The following HECW2 variants were observed in gnomAD, a reference collection of about 807,000 sequenced individuals.
HECW2 encodes E3 ubiquitin-protein ligase HECW2.
A neutral mutation model predicts 175.2 loss-of-function variants in HECW2; 61 were observed. The ratio of observed to expected loss-of-function variants is 0.35; its 90% CI spans 0.28 to 0.43. The LOEUF (loss-of-function observed/expected upper bound fraction) is 0.43, where lower values mean the gene tolerates loss of function less well. Ranked by LOEUF, HECW2 falls within the 20% of genes least tolerant of loss-of-function variation. The probability of loss-of-function intolerance (pLI) is 1.00; values close to 1 mark genes in which losing one functional copy is unlikely to be tolerated. For missense variants in HECW2, 1,524 were observed against 2,000.5 expected, an observed-to-expected ratio of 0.76 and a Z score of 4.54; for synonymous variants, 671 against 731.0, an observed-to-expected ratio of 0.92 and a Z score of 1.32.
intron 19 of HECW2, among the ~76,000 whole-genome samples, chr2:196,248,150 G>C (rs539506475): frequency 6.6e-6 from 1 of 152,264 alleles, no homozygotes; most frequent in East Asian, 1.9e-4. Flanking sequence ...AGGCCCTCGA[G>C]TCATTTCTTG....
intron 2 of HECW2, among the ~76,000 whole-genome samples, chr2:196,353,007 C>A (rs1693224438): frequency 6.6e-6 from 1 of 152,186 alleles, no homozygotes; most frequent in South Asian, 2.1e-4. Flanking sequence ...AGAGTGAAAT[C>A]CAAAGTGTTT....
intron 3 of HECW2, 105 bp from the exon 4 acceptor site, chr2:196,334,623 ACT>A: frequency 2.4e-6 from 2 of 818,548 alleles, no homozygotes; most frequent in Admixed American, 4.8e-5. Flanking sequence ...CCTACTCATG[ACT>A]CTGAATGACC....
intron 14 of HECW2, among the ~76,000 whole-genome samples, chr2:196,279,234 G>C (rs1205633426): frequency 6.6e-6 from 1 of 152,112 alleles, no homozygotes; most frequent in Non-Finnish European, 1.5e-5. Context: ...GTATTTAGTA[G>C]AGACGGGGTT....
chr2:196,456,150 A>C (rs894704435), intron 1 of HECW2, among the ~76,000 whole-genome samples: 5 of 152,190 alleles, frequency 3.3e-5, no homozygotes, highest in Non-Finnish European at 4.4e-5. Context: ...TACTGAAGTC[A>C]CAAAACATTT....
At chr2:196,505,336 C>G (rs1196031703) in intron 1 of HECW2, among the ~76,000 whole-genome samples, 1 of 152,030 alleles carries the variant, frequency 6.6e-6, no homozygotes, top group Non-Finnish European at 1.5e-5. Context: ...GTCAAGAGAT[C>G]GAGACCATCC....
intron 2 of HECW2, among the ~76,000 whole-genome samples, chr2:196,400,728 C>T (rs1694794853): frequency 6.6e-6 from 1 of 151,826 alleles, no homozygotes; most frequent in Non-Finnish European, 1.5e-5. Context: ...AAGATGCTTT[C>T]ACTCACCTAC....
intron 7 of HECW2, among the ~76,000 whole-genome samples, chr2:196,321,186 T>C (rs1356012974): frequency 6.6e-6 from 1 of 152,198 alleles, no homozygotes; most frequent in Non-Finnish European, 1.5e-5. Flanking sequence ...GATGTGCCCC[T>C]GTGGTGGGGT....
intron 4 of HECW2, among the ~76,000 whole-genome samples, chr2:196,333,237 C>T (rs184700795): frequency 2.6e-5 from 4 of 152,074 alleles, no homozygotes; most frequent in Non-Finnish European, 2.9e-5. Context: ...CTGCACCAGA[C>T]CTACGAGATC....
At position 196,199,055 on chromosome 2, in the gene HECW2, C is replaced by T. The variant is rs1265350965; in HGVS notation, c.*2222G>A. 6.6e-6 allele frequency: 1 copy of T among 152,010 alleles called. No individual in the cohort carries two copies. The highest frequency in any genetic ancestry group is 1.5e-5 in the Non-Finnish European group (1 of 67,872). 9.4% of individuals were successfully genotyped at this position (152,010 alleles called of 1,614,324 possible). A position where few individuals can be genotyped will look rare whatever the true frequency, so the allele number is the denominator to read the frequency against. On this transcript the variant is annotated 3_prime_UTR_variant, in exon 29 of 29. Transcript: ENST00000644978. The stretch of plus-strand genomic sequence containing the variant: ...TCTTTTACCTAATAATATGAAATAC[C>T]ATAACTAAATGTCTCAAACCAAAAT...
chr2:196,553,062 C>T (rs191692231), intron 1 of HECW2, among the ~76,000 whole-genome samples: 3 of 152,272 alleles, frequency 2.0e-5, no homozygotes, highest in South Asian at 2.1e-4. Context: ...GGGAAAATAT[C>T]GCATCTTTTC....
chr2:196,391,280 C>T (rs1694501551), intron 2 of HECW2, among the ~76,000 whole-genome samples: 1 of 152,210 alleles, frequency 6.6e-6, no homozygotes, highest in South Asian at 2.1e-4. Context: ...AGTAACAGTA[C>T]CCTGCCCCAC....
Position 196,334,415 on chromosome 2 carries a change from G to T in HECW2, c.495+9C>A. On this transcript the variant is annotated intron_variant, in intron 4 of 28. Transcript: ENST00000644978. The stretch of plus-strand genomic sequence containing the variant: ...TCTCACAAGGAAGCTGGCAGCGAGG[G>T]GCACTCACCATCACAGCTGGGTTCT... The T allele has an allele frequency of 6.3e-7, 1 of 1,598,510 alleles. No homozygotes were observed. Among genetic ancestry groups the T allele is most frequent in the East Asian group, 2.2e-5 (1 of 44,460 alleles).
chr2:196,278,152 A>ATATATATATATATATATATATATATATAT lies in HECW2; in HGVS notation c.3135+375_3135+376insATATATATATATATATATATATATATATA, dbSNP rs1553489733. On this transcript the variant is annotated intron_variant, in intron 15 of 28. Coordinates refer to ENST00000644978, the MANE Select transcript of HECW2 (RefSeq NM_001348768.2). ...TTAAAAAATATATATATATATATAT[A>ATATATATATATATATATATATATATATAT]AAGAAATTCCACATTTAACCAAGTT... 1.4e-3 allele frequency among the ~76,000 whole-genome samples: 170 copies of ATATATATATATATATATATATATATATAT among 119,920 alleles called. 1 individual carries two copies. The highest frequency in any genetic ancestry group is 2.1e-3 in the Non-Finnish European group (117 of 54,994). 78.7% of individuals were successfully genotyped at this position (119,920 alleles called of 152,430 possible).
chr2:196,284,777 C>T (rs1488440193), intron 14 of HECW2, among the ~76,000 whole-genome samples: 2 of 152,144 alleles, frequency 1.3e-5, no homozygotes, highest in Non-Finnish European at 2.9e-5. Flanking sequence ...TTTGAATAGC[C>T]TGCAATTATT....
At position 196,557,451 on chromosome 2, in the gene HECW2, A is replaced by G. The variant is rs555804483; in HGVS notation, c.-36+36057T>C. ...TCAGAAGGAGTAAGCACCAAATTTCATATATTCCAAGTATGAGTATAAATT... is the reference window on the plus strand; with the variant it reads ...TCAGAAGGAGTAAGCACCAAATTTCGTATATTCCAAGTATGAGTATAAATT... On this transcript the variant is annotated intron_variant, in intron 1 of 28. Coordinates refer to ENST00000644978, the MANE Select transcript of HECW2 (RefSeq NM_001348768.2). Among the ~76,000 whole-genome samples the G allele has an allele frequency of 1.6e-4, 24 of 152,238 alleles. 2 individuals carry two copies. In the South Asian group the frequency reaches 3.7e-3, roughly 24 times the overall value.
intron 2 of HECW2, among the ~76,000 whole-genome samples, chr2:196,424,101 C>T: frequency 6.6e-6 from 1 of 151,960 alleles, no homozygotes; most frequent in East Asian, 1.9e-4. Flanking sequence ...TGCAATATTT[C>T]AAGCTTTTTC....
chr2:196,257,990 G>C (rs1260500884), intron 17 of HECW2, 84 bp from the exon 18 acceptor site: 1 of 955,842 alleles, frequency 1.0e-6, no homozygotes, highest in Admixed American at 2.0e-5. Flanking sequence ...TTTTATAATA[G>C]TCATGATGTT....
chr2:196,572,525 A>G (rs1408828807), intron 1 of HECW2, among the ~76,000 whole-genome samples: 3 of 152,212 alleles, frequency 2.0e-5, no homozygotes, highest in Non-Finnish European at 4.4e-5. Context: ...GATTGGTTGC[A>G]TAACAGTGTG....
rs1416094106 is a variant in HECW2, at chr2:196,199,594, C to G, written c.*1683G>C. 6.6e-6 allele frequency: 1 copy of G among 152,512 alleles called. No homozygotes were observed. The allele number at this position is 152,512 out of a possible 1,614,324, so 9.4% of individuals were successfully genotyped here. ...ACATCCCATAATAGGAATTCCATGG[C>G]TGCTTATAAATATAGATCTCAAAGA... On this transcript the variant is annotated 3_prime_UTR_variant, in exon 29 of 29. Coordinates refer to ENST00000644978, the MANE Select transcript of HECW2 (RefSeq NM_001348768.2).
Sources: gnomAD v4.1 joint callset for allele counts (sites outside exome capture counted in the v4.1 genomes callset) on GRCh38, gnomAD v4.1.1 for gene constraint, MANE v1.5 for transcripts, NCBI Gene and HGNC (gene_info 2026-07-23, HGNC 2026-07-21) for gene names.